The following FBXW8 variants were observed in gnomAD, a reference collection of about 807,000 sequenced individuals.
FBXW8 encodes F-box and WD repeat domain containing 8.
FBXW8 carries 57 observed loss-of-function variants against 65.3 expected under a neutral mutation model. The observed-to-expected ratio is 0.87, with a 90% CI of 0.71 to 1.09. The LOEUF (loss-of-function observed/expected upper bound fraction) is 1.09, where lower values mean the gene tolerates loss of function less well. Ranked by LOEUF, FBXW8 falls within the 50% of genes least tolerant of loss-of-function variation. The pLI, the probability that FBXW8 is intolerant of heterozygous loss-of-function variation, is 0.00. For missense variants in FBXW8, 777 were observed against 814.8 expected (o/e 0.95, Z 0.57); for synonymous variants, 308 against 330.2 (o/e 0.93, Z 0.73).
At chr12:116,980,292 A>G (rs1005787899) in intron 5 of FBXW8, 1 of 152,304 alleles carries the variant, frequency 6.6e-6, no homozygotes, top group Non-Finnish European at 1.5e-5. Flanking sequence ...CTGATCCCTT[A>G]TCACCTCCAG....
intron 2 of FBXW8, among the ~76,000 whole-genome samples, chr12:116,940,392 T>C (rs1592863375): frequency 7.0e-6 from 1 of 142,048 alleles, no homozygotes; most frequent in South Asian, 2.3e-4. Flanking sequence ...GCTAAAATGC[T>C]GGGGGGTGGG....
intron 5 of FBXW8, among the ~76,000 whole-genome samples, chr12:116,980,941 T>C (rs770423666): frequency 5.3e-5 from 8 of 152,236 alleles, no homozygotes; most frequent in Non-Finnish European, 1.0e-4. Context: ...GTCACTAAAA[T>C]GTTGGCTCGA....
chr12:116,993,700 G>C (rs945514996), intron 7 of FBXW8, among the ~76,000 whole-genome samples: 5 of 151,968 alleles, frequency 3.3e-5, no homozygotes, highest in Non-Finnish European at 7.4e-5. Flanking sequence ...TGGGTTGTCT[G>C]TTTACTCTGT....
At chr12:116,958,662 A>G (rs1448964282) in intron 4 of FBXW8, among the ~76,000 whole-genome samples, 1 of 152,172 alleles carries the variant, frequency 6.6e-6, no homozygotes, top group East Asian at 1.9e-4. Context: ...CGGTGCCATA[A>G]CATGCTAGGG....
intron 7 of FBXW8, among the ~76,000 whole-genome samples, chr12:117,005,600 C>G (rs1953656389): frequency 6.6e-6 from 1 of 152,234 alleles, no homozygotes; most frequent in East Asian, 1.9e-4. Context: ...GAAGATAAGA[C>G]ACAGGTCAGG....
At chr12:116,950,537 C>A (rs1030571762) in intron 4 of FBXW8, 13 of 152,122 alleles carry the variant, frequency 8.5e-5, no homozygotes, top group African/African-American at 3.1e-4. Flanking sequence ...AAAGAAAAAT[C>A]TTTCTTTAAG....
chr12:117,016,690 T>G (rs1347087955), intron 8 of FBXW8, among the ~76,000 whole-genome samples: 8 of 152,028 alleles, frequency 5.3e-5, no homozygotes, highest in Admixed American at 2.0e-4. Context: ...ATGTCATAGC[T>G]AAGAAACCAT....
chr12:117,020,551 T>C (rs995176621), intron 8 of FBXW8, among the ~76,000 whole-genome samples: 5 of 152,370 alleles, frequency 3.3e-5, no homozygotes, highest in Middle Eastern at 3.4e-3. Flanking sequence ...TGCTCCATTC[T>C]TGGTAATTTC....
intron 7 of FBXW8, among the ~76,000 whole-genome samples, chr12:116,989,411 A>G (rs1953182463): frequency 6.6e-6 from 1 of 152,198 alleles, no homozygotes; most frequent in Non-Finnish European, 1.5e-5. Context: ...CCTTTTATAT[A>G]TAGTGTATCT....
intron 1 of FBXW8, among the ~76,000 whole-genome samples, chr12:116,914,134 G>A (rs1238894526): frequency 6.6e-6 from 1 of 152,126 alleles, no homozygotes; most frequent in East Asian, 1.9e-4. Context: ...TTAGCTAGGT[G>A]TGGTGGTGCA....
chr12:116,976,657 C>T (rs1342129850), intron 5 of FBXW8, among the ~76,000 whole-genome samples: 6 of 148,292 alleles, frequency 4.0e-5, no homozygotes, highest in African/African-American at 1.5e-4. Context: ...TTAGAGATGG[C>T]GTTTCACCCT....
chr12:116,978,747 T>C (rs1380679240), intron 5 of FBXW8: 2 of 152,232 alleles, frequency 1.3e-5, no homozygotes, highest in African/African-American at 4.8e-5. Context: ...TCGAAACTGT[T>C]AACCTGTTTT....
Position 117,010,999 on chromosome 12 carries a change from AG to A in FBXW8, c.1367+553del, listed in dbSNP as rs1309891146. On this transcript the variant is annotated intron_variant, in intron 8 of 10. Coordinates refer to ENST00000652555, the MANE Select transcript of FBXW8 (RefSeq NM_153348.3). ...TTAGGGAGTCGGATTTTCCCGGTAT[AG>A]GGGCCTGTGCCAGCCCCGGGCGCCC... is the stretch of plus-strand genomic sequence containing the variant. 4.6e-5 allele frequency among the ~76,000 whole-genome samples: 7 copies of A among 152,298 alleles called. No individual in the cohort carries two copies. In the East Asian group the frequency reaches 1.4e-3, roughly 29 times the overall value.
chr12:117,028,536 GTCTTTTCCGTCTCCAGCCCCTTACC>G lies in FBXW8; in HGVS notation c.*373_*397del, dbSNP rs1954293245. On this transcript the variant is annotated 3_prime_UTR_variant, in exon 11 of 11. Transcript: ENST00000652555. This position sits in a 1 kb window ranked among gnomAD's most constrained non-coding sequence, Gnocchi z 4.1. Reference sequence around the variant, plus strand: ...CCTCCCAGCTCCAGCCCTGCAGGCCGTCTTTTCCGTCTCCAGCCCCTTACCTCTTTTCCTCCGAGGGCCTTTGGAT... The same window carrying G: ...CCTCCCAGCTCCAGCCCTGCAGGCCGTCTTTTCCTCCGAGGGCCTTTGGAT... The G allele has an allele frequency of 9.7e-6, 2 of 206,244 alleles. No individual in the cohort carries two copies. The highest frequency in any genetic ancestry group is 4.5e-5 in the African/African-American group (2 of 44,402). 12.8% of individuals were successfully genotyped at this position (206,244 alleles called of 1,614,324 possible). A position where few individuals can be genotyped will look rare whatever the true frequency, so the allele number is the denominator to read the frequency against.
rs149185491 is a variant in FBXW8 at position 116,990,321 on chromosome 12, G to A, written c.1239+1452G>A. On this transcript the variant is annotated intron_variant, in intron 7 of 10. Transcript: ENST00000652555. ...TGTGCAGTTTGGTTGGGGCATCTCC[G>A]TTGTGTCCTAGCTGGAAGATGTGTC... is the stretch of plus-strand genomic sequence containing the variant. 1.1e-3 allele frequency among the ~76,000 whole-genome samples: 161 copies of A among 152,302 alleles called. No individual in the cohort carries two copies. The East Asian group carries it at 0.029, about 27-fold the overall frequency.
chr12:117,023,960 A>G (rs1954161166), intron 8 of FBXW8, among the ~76,000 whole-genome samples, 187 bp from the exon 9 acceptor site: 1 of 152,240 alleles, frequency 6.6e-6, no homozygotes, highest in Non-Finnish European at 1.5e-5. Context: ...TAAACCATTC[A>G]GATGAGACCG....
chr12:116,911,708 T>C (rs1879959563), intron 1 of FBXW8, among the ~76,000 whole-genome samples: 1 of 152,032 alleles, frequency 6.6e-6, no homozygotes, highest in South Asian at 2.1e-4. Flanking sequence ...CAGGACAAAA[T>C]ATCAGTAAGT....
At chr12:116,974,536 A>G (rs1884810000) in intron 5 of FBXW8, among the ~76,000 whole-genome samples, 1 of 152,230 alleles carries the variant, frequency 6.6e-6, no homozygotes, top group African/African-American at 2.4e-5. Context: ...GAGTGTCTTA[A>G]TTTTGCATCA....
chr12:116,983,801 A>G (rs1885475924), intron 5 of FBXW8, among the ~76,000 whole-genome samples: 1 of 152,274 alleles, frequency 6.6e-6, no homozygotes, highest in African/African-American at 2.4e-5. Context: ...CTGCATAAAA[A>G]TAAAAGACAG....
Sources: gnomAD v4.1 joint callset for allele counts (sites outside exome capture counted in the v4.1 genomes callset) on GRCh38, gnomAD v4.1.1 for gene constraint, Gnocchi (gnomAD v3.1) non-coding constraint, MANE v1.5 for transcripts, NCBI Gene and HGNC (gene_info 2026-07-23, HGNC 2026-07-21) for gene names.